GARS1: variants seen among roughly 807,000 people sequenced by gnomAD.
The protein encoded by GARS1 is glycine--tRNA ligase.
A neutral mutation model predicts 86.4 loss-of-function variants in GARS1; 46 were observed. That is an observed-to-expected ratio of 0.53 (90% CI 0.42 to 0.68). The LOEUF (loss-of-function observed/expected upper bound fraction) is 0.68, where lower values mean the gene tolerates loss of function less well. GARS1 is among the 30% of genes least tolerant of loss of function. The pLI, the probability that GARS1 is intolerant of heterozygous loss-of-function variation, is 0.00. For missense variants in GARS1, 797 were observed against 915.6 expected (o/e 0.87, Z 1.67); for synonymous variants, 342 against 329.8 (o/e 1.04, Z -0.40).
Position 30,601,161 on chromosome 7 carries a change from A to G in GARS1, c.530A>G (p.Glu177Gly). 1 of 1,614,158 alleles carries G rather than the reference A, an allele frequency of 6.2e-7. No homozygotes were observed. The highest frequency in any genetic ancestry group is 8.5e-7 in the Non-Finnish European group (1 of 1,179,998). ...TTTATCCAAGAGGAACAGATCCTGG[A>G]GATCGATTGCACCATGCTCACCCCT... Reference protein sequence around the residue: ...QHFIQEEQILEIDCTMLTPEP... With the variant: ...QHFIQEEQILGIDCTMLTPEP... Residue 177 changes from glutamate (E) to glycine (G), a missense_variant, in exon 4 of 17, where the codon GAG becomes GGG. Physicochemically the swap from Glu to Gly is moderately conservative, Grantham distance 98. Around this residue, in one of 2 missense-constraint regions of GARS1, gnomAD observed 598 missense variants for 738.7 expected, o/e 0.81. Transcript: ENST00000389266.
At chr7:30,604,507 A>G (rs1300025582) in intron 6 of GARS1, among the ~76,000 whole-genome samples, 5 of 151,218 alleles carry the variant, frequency 3.3e-5, no homozygotes, top group East Asian at 1.9e-4. Context: ...ATACTTTTCC[A>G]CTGTTGTCCT....
chr7:30,612,247 T>C lies in GARS1; in HGVS notation c.1031+2T>C, dbSNP rs1220487805. 6.2e-7 allele frequency: 1 copy of C among 1,613,914 alleles called. No homozygotes were observed. The highest frequency in any genetic ancestry group is 8.5e-7 in the Non-Finnish European group (1 of 1,179,784). On this transcript the variant is annotated splice_donor_variant, in intron 8 of 16. Transcript: ENST00000389266. LOFTEE classifies it high-confidence loss of function. ...TCGATCTGGACTGATCAGAGTCAGGTACTGCTCAGGTTACTCTTACAAATT... is the reference window on the plus strand; with the variant it reads ...TCGATCTGGACTGATCAGAGTCAGGCACTGCTCAGGTTACTCTTACAAATT...
intron 11 of GARS1, chr7:30,621,783 C>T (rs1783012076): frequency 2.0e-6 from 1 of 506,246 alleles, no homozygotes; most frequent in African/African-American, 1.9e-5. Context: ...TCAGCTGTTT[C>T]CAAAACGCAC....
rs61613428 is a variant in GARS1 at position 30,619,776 on chromosome 7, C to CTT, written c.1360-1599_1360-1598dup. On this transcript the variant is annotated intron_variant, in intron 10 of 16. Transcript: ENST00000389266. ...AAGCTTAGTAGTTTTTTCTTTTTTT[C>CTT]TTTTTTTTTTTTTTTTTTTGAGACA... Among the ~76,000 whole-genome samples, 112 of 124,270 alleles carry CTT rather than the reference C, an allele frequency of 9.0e-4. 1 individual carries two copies. Among genetic ancestry groups the CTT allele is most frequent in the African/African-American group, 2.1e-3 (67 of 31,918 alleles). The allele number at this position is 124,270 out of a possible 152,430, so 81.5% of individuals were successfully genotyped here.
chr7:30,599,831 G>A, intron 2 of GARS1, 116 bp from the exon 3 acceptor site: 4 of 695,866 alleles, frequency 5.7e-6, no homozygotes, highest in Non-Finnish European at 9.8e-6. Flanking sequence ...TCAAAATCTT[G>A]TCTGTTTGAT....
At chr7:30,611,570 T>G (rs1791598677) in intron 7 of GARS1, among the ~76,000 whole-genome samples, 1 of 152,122 alleles carries the variant, frequency 6.6e-6, no homozygotes. Context: ...CTGCAACCTC[T>G]GCCTCCCAGG....
Position 30,611,901 on chromosome 7 carries a change from AATAC to A in GARS1, c.882-192_882-189del, listed in dbSNP as rs1782766282. On this transcript the variant is annotated intron_variant, in intron 7 of 16. Transcript: ENST00000389266. ...AGTAGTACTGCCACACTAATTACTT[AATAC>A]ATTTTCTAATACGTGCTATGAAAAT... Among the ~76,000 whole-genome samples the A allele has an allele frequency of 4.6e-5, 7 of 152,234 alleles. No individual in the cohort carries two copies. In the South Asian group the frequency reaches 1.4e-3, roughly 32 times the overall value.
At position 30,631,975 on chromosome 7, in the gene GARS1, G is replaced by T. The variant is rs1022729671; in HGVS notation, c.1904-272G>T. On this transcript the variant is annotated intron_variant, in intron 15 of 16. Coordinates refer to ENST00000389266, the MANE Select transcript of GARS1 (RefSeq NM_002047.4). ...CCTGCTTAGAGCCATAAAAATAGAG[G>T]TGGTGGAGTCAGGACTCACCTTCTG... 7 of 460,720 alleles carry T rather than the reference G, an allele frequency of 1.5e-5. No individual in the cohort carries two copies. In the Admixed American group the frequency reaches 1.7e-4, roughly 11 times the overall value. The allele number at this position is 460,720 out of a possible 1,614,324, so 28.5% of individuals were successfully genotyped here.
At chr7:30,619,546 T>C (rs994835366) in intron 10 of GARS1, among the ~76,000 whole-genome samples, 1 of 152,176 alleles carries the variant, frequency 6.6e-6, no homozygotes, top group Non-Finnish European at 1.5e-5. Flanking sequence ...CAGTAAATTA[T>C]AACCACCAAA....
chr7:30,615,731 T>C (rs1178718927), intron 8 of GARS1, among the ~76,000 whole-genome samples, 165 bp from the exon 9 acceptor site: 1 of 152,200 alleles, frequency 6.6e-6, no homozygotes, highest in Non-Finnish European at 1.5e-5. Context: ...TTCAAAATTT[T>C]TTTGGCCATT....
intron 15 of GARS1, 46 bp downstream of exon 15, chr7:30,631,587 A>T: frequency 8.3e-7 from 1 of 1,204,314 alleles, no homozygotes; most frequent in Non-Finnish European, 1.2e-6. Context: ...ACCATCAAGG[A>T]GACTGAATTT....
At chr7:30,608,966 C>T (rs945912389) in intron 6 of GARS1, among the ~76,000 whole-genome samples, 1 of 152,120 alleles carries the variant, frequency 6.6e-6, no homozygotes, top group Non-Finnish European at 1.5e-5. Flanking sequence ...GATGGTTTGT[C>T]ATAGTCACTT....
intron 3 of GARS1, among the ~76,000 whole-genome samples, chr7:30,600,559 A>G (rs756325254): frequency 6.6e-6 from 1 of 152,258 alleles, no homozygotes; most frequent in Non-Finnish European, 1.5e-5. Flanking sequence ...TATATTTTTC[A>G]TAGTCAACGG....
At chr7:30,600,400 C>T (rs751022935) in intron 3 of GARS1, among the ~76,000 whole-genome samples, 32 of 152,214 alleles carry the variant, frequency 2.1e-4, no homozygotes, top group Non-Finnish European at 3.8e-4. Flanking sequence ...TATGCCCCTT[C>T]ACACAGGGGC....
chr7:30,607,805 C>T (rs1017270857), intron 6 of GARS1, among the ~76,000 whole-genome samples: 1 of 151,814 alleles, frequency 6.6e-6, no homozygotes, highest in African/African-American at 2.4e-5. Flanking sequence ...TTCCCTTTAC[C>T]TTCCGTCCTT....
In GARS1 at chr7:30,601,049, T is replaced by C. The variant is rs1254310090; in HGVS notation, c.428-10T>C. 3 of 1,613,606 alleles carry C rather than the reference T, an allele frequency of 1.9e-6. No homozygotes were observed. Among genetic ancestry groups the C allele is most frequent in the Non-Finnish European group, 2.5e-6 (3 of 1,179,622 alleles). ...AGGTAAAGTATGTGTTTTCCTCTCA[T>C]ATTCTATAGGTGTTAGTGGTCTGTA... is the stretch of plus-strand genomic sequence containing the variant. On this transcript the variant is annotated splice_polypyrimidine_tract_variant and intron_variant, in intron 3 of 16. Transcript: ENST00000389266.
intron 8 of GARS1, 41 bp downstream of exon 8, chr7:30,612,286 G>C (rs1422255631): frequency 6.3e-7 from 1 of 1,581,422 alleles, no homozygotes; most frequent in South Asian, 1.1e-5. Flanking sequence ...GAATGACCTT[G>C]GCATTGCATT....
intron 6 of GARS1, among the ~76,000 whole-genome samples, chr7:30,608,547 G>C (rs1791530630): frequency 6.6e-6 from 1 of 152,114 alleles, no homozygotes. Context: ...AGTCTAGAAG[G>C]CTTAATATTT....
chr7:30,597,356 A>G (rs566244331), intron 1 of GARS1, among the ~76,000 whole-genome samples: 2 of 152,372 alleles, frequency 1.3e-5, no homozygotes, highest in Non-Finnish European at 2.9e-5. Context: ...TGAGTTAGAA[A>G]TAACCTTGAA....
Sources: gnomAD v4.1 joint callset for allele counts (sites outside exome capture counted in the v4.1 genomes callset) on GRCh38, gnomAD v4.1.1 for gene constraint, gnomAD v4.1.1 regional missense constraint, MANE v1.5 for transcripts, NCBI Gene and HGNC (gene_info 2026-07-23, HGNC 2026-07-21) for gene names.